Variants in MBD5 observed in about 807,000 individuals in gnomAD.
MBD5 encodes methyl-CpG binding domain protein 5, also known as methyl-CpG-binding domain protein 5.
A neutral mutation model predicts 117.3 loss-of-function variants in MBD5; 13 were observed. The ratio of observed to expected loss-of-function variants is 0.11; its 90% CI spans 0.07 to 0.18. The LOEUF (loss-of-function observed/expected upper bound fraction) is 0.18, where lower values mean the gene tolerates loss of function less well. MBD5 is among the 10% of genes least tolerant of loss of function. The pLI, the probability that MBD5 is intolerant of heterozygous loss-of-function variation, is 1.00. For missense variants in MBD5, 1,879 were observed against 2,093.8 expected (o/e 0.90, Z 2.00); for synonymous variants, 727 against 766.4 (o/e 0.95, Z 0.85).
At chr2:148,493,800 A>G (rs1481578708) in intron 11 of MBD5, among the ~76,000 whole-genome samples, 1 of 152,232 alleles carries the variant, frequency 6.6e-6, no homozygotes, top group African/African-American at 2.4e-5. Flanking sequence ...CCTAAAAGGT[A>G]TGGTTTTTAG....
chr2:148,092,191 GA>G (rs1264926209), intron 1 of MBD5, among the ~76,000 whole-genome samples: 1 of 152,138 alleles, frequency 6.6e-6, no homozygotes, highest in African/African-American at 2.4e-5. Flanking sequence ...TGGTGAAAAG[GA>G]AACACTTTTA....
At chr2:148,376,292 G>A (rs1022821490) in intron 4 of MBD5, among the ~76,000 whole-genome samples, 4 of 143,420 alleles carry the variant, frequency 2.8e-5, no homozygotes, top group African/African-American at 7.8e-5. Context: ...TTTTGAGACG[G>A]AGTCTCACTC....
At chr2:148,254,279 A>G (rs1180549365) in intron 3 of MBD5, among the ~76,000 whole-genome samples, 1 of 152,196 alleles carries the variant, frequency 6.6e-6, no homozygotes. Flanking sequence ...TTGTGTTCCT[A>G]AAAGGGCACA....
intron 4 of MBD5, among the ~76,000 whole-genome samples, chr2:148,438,040 C>T (rs1181182000): frequency 2.6e-5 from 4 of 152,180 alleles, no homozygotes; most frequent in Admixed American, 6.5e-5. Context: ...CACACAAAGT[C>T]AACTTGTGAT....
At chr2:148,512,811 T>C in intron 13 of MBD5, 59 bp from the exon 14 acceptor site, 1 of 1,474,506 alleles carries the variant, frequency 6.8e-7, no homozygotes, top group Admixed American at 1.7e-5. Flanking sequence ...AGAAATTTTA[T>C]GGTGTTTGTG....
At chr2:148,483,046 C>T (rs1681208806) in intron 8 of MBD5, 64 bp from the exon 9 acceptor site, 2 of 1,550,340 alleles carry the variant, frequency 1.3e-6, no homozygotes, top group Middle Eastern at 1.7e-4. Context: ...CATTTTTATG[C>T]CTAGTCTCAC....
chr2:148,063,567 A>G (rs1695099545), intron 1 of MBD5, among the ~76,000 whole-genome samples: 1 of 150,752 alleles, frequency 6.6e-6, no homozygotes, highest in South Asian at 2.1e-4. Flanking sequence ...TTTTTTTTTA[A>G]TACAAAAACA....
chr2:148,489,809 A>G lies in MBD5; in HGVS notation c.4177A>G (p.Asn1393Asp). The G allele has an allele frequency of 1.9e-6, 3 of 1,614,146 alleles. No individual in the cohort carries two copies. Among genetic ancestry groups the G allele is most frequent in the Non-Finnish European group, 1.7e-6 (2 of 1,180,018 alleles). ...GGVDHDGRLR[N>D]SRGARLPKNL... ...TGTTGATCATGATGGTAGGCTGAGG[A>G]ATTCAAGAGGGGCTCGGCTGCCCAA... is the stretch of plus-strand genomic sequence containing the variant. The change falls in exon 11 of 14, where the codon AAT (asparagine) becomes GAT (aspartate). Residue 1393 changes from asparagine (N) to aspartate (D), a missense_variant. This residue lies in a region of MBD5 where 1,666 missense variants were observed against 1,792.2 expected (regional missense o/e 0.93). Coordinates refer to ENST00000642680, the MANE Select transcript of MBD5 (RefSeq NM_001378120.1).
intron 3 of MBD5, among the ~76,000 whole-genome samples, chr2:148,325,523 G>T (rs1391611455): frequency 3.9e-5 from 6 of 152,108 alleles, no homozygotes; most frequent in South Asian, 2.1e-4. Context: ...TCCTGTTATT[G>T]GTCTATTCAG....
intron 3 of MBD5, among the ~76,000 whole-genome samples, chr2:148,234,205 G>T (rs1558984259): frequency 6.6e-6 from 1 of 152,004 alleles, no homozygotes; most frequent in Non-Finnish European, 1.5e-5. Context: ...ATTTTAAGTA[G>T]AATTCACTGA....
chr2:148,487,725 A>AC (rs1202998416), intron 10 of MBD5, among the ~76,000 whole-genome samples: 1 of 152,014 alleles, frequency 6.6e-6, no homozygotes, highest in Admixed American at 6.5e-5. Flanking sequence ...AAAGAAGTAG[A>AC]TTTTAGCTGT....
intron 2 of MBD5, among the ~76,000 whole-genome samples, chr2:148,220,799 T>A (rs1486645816): frequency 6.6e-6 from 1 of 152,118 alleles, no homozygotes; most frequent in Non-Finnish European, 1.5e-5. Flanking sequence ...ATAACAATTT[T>A]TACTTATTTT....
At chr2:148,361,696 G>A (rs1378420551) in intron 4 of MBD5, among the ~76,000 whole-genome samples, 1 of 152,230 alleles carries the variant, frequency 6.6e-6, no homozygotes. Context: ...ATCACTAGAT[G>A]TTAATAAGAG....
At chr2:148,056,997 A>G (rs1694884837) in intron 1 of MBD5, among the ~76,000 whole-genome samples, 1 of 151,852 alleles carries the variant, frequency 6.6e-6, no homozygotes, top group African/African-American at 2.4e-5. Context: ...GTGTTTTCAC[A>G]TTCATTGACA....
intron 4 of MBD5, among the ~76,000 whole-genome samples, chr2:148,421,968 A>T (rs1043337779): frequency 4.6e-5 from 7 of 152,180 alleles, no homozygotes; most frequent in Middle Eastern, 3.2e-3. Context: ...TCACCCTGGG[A>T]CACAGCACCT....
intron 1 of MBD5, among the ~76,000 whole-genome samples, chr2:148,064,544 A>G (rs1377879060): frequency 6.6e-6 from 1 of 152,070 alleles, no homozygotes; most frequent in Non-Finnish European, 1.5e-5. Context: ...TAACCCCTTG[A>G]ATACTCTAAT....
At chr2:148,084,584 G>A (rs1397140166) in intron 1 of MBD5, among the ~76,000 whole-genome samples, 1 of 152,096 alleles carries the variant, frequency 6.6e-6, no homozygotes, top group Admixed American at 6.6e-5. Flanking sequence ...ATCTTTAATA[G>A]GTTCTGCCTT....
intron 2 of MBD5, among the ~76,000 whole-genome samples, chr2:148,209,523 C>CTT (rs562857871): frequency 1.3e-4 from 18 of 143,880 alleles, no homozygotes; most frequent in African/African-American, 3.0e-4. Context: ...TTTTTTCTTT[C>CTT]TTTTTTTTTT....
At chr2:148,468,147 T>A (rs895955730) in intron 7 of MBD5, among the ~76,000 whole-genome samples, 194 bp from the exon 8 acceptor site, 6 of 152,300 alleles carry the variant, frequency 3.9e-5, no homozygotes, top group Admixed American at 6.5e-5. Context: ...GTACATTTTT[T>A]AAATCAAATT....
Sources: gnomAD v4.1 joint callset for allele counts (sites outside exome capture counted in the v4.1 genomes callset) on GRCh38, gnomAD v4.1.1 for gene constraint, gnomAD v4.1.1 regional missense constraint, MANE v1.5 for transcripts, NCBI Gene and HGNC (gene_info 2026-07-23, HGNC 2026-07-21) for gene names.